The following VAPB variants were observed in gnomAD, a reference collection of about 807,000 sequenced individuals.
VAPB encodes vesicle-associated membrane protein-associated protein B/C.
VAPB carries 7 observed loss-of-function variants against 25.6 expected under a neutral mutation model. The observed-to-expected ratio is 0.27, with a 90% CI of 0.16 to 0.51. The LOEUF is 0.51. VAPB is among the 20% of genes least tolerant of loss of function. The pLI, the probability that VAPB is intolerant of heterozygous loss-of-function variation, is 0.97. For missense variants in VAPB, 266 were observed against 301.3 expected, an observed-to-expected ratio of 0.88 and a Z score of 0.87; for synonymous variants, 112 against 109.2, an observed-to-expected ratio of 1.03 and a Z score of -0.16.
chr20:58,390,509 A>G (rs2054935126), intron 1 of VAPB, among the ~76,000 whole-genome samples: 1 of 152,026 alleles, frequency 6.6e-6, no homozygotes, highest in Admixed American at 6.6e-5. Context: ...TGCACAAGAC[A>G]GATAAGGCCT....
intron 1 of VAPB, among the ~76,000 whole-genome samples, chr20:58,391,125 G>GT (rs1413499714): frequency 6.6e-6 from 1 of 152,214 alleles, no homozygotes; most frequent in Non-Finnish European, 1.5e-5. Flanking sequence ...GTTGTCTGAA[G>GT]TTCTTTCTCT....
chr20:58,423,441 A>AAAAAAAAAG, intron 2 of VAPB, among the ~76,000 whole-genome samples: 2 of 149,672 alleles, frequency 1.3e-5, no homozygotes, highest in African/African-American at 2.5e-5. Context: ...AAAAAAAAAA[A>AAAAAAAAAG]AAAAAAAAGA....
rs1446548226 is a variant in VAPB at position 58,442,849 on chromosome 20, T to TA, written c.574-1227dup. On this transcript the variant is annotated intron_variant, in intron 5 of 5. Transcript: ENST00000475243. Reference sequence around the variant, plus strand: ...TCATCTGCCTGTGGTCCCCAGGACCTACTAGGTACTCGGGCGGATGGGAGC... The same window carrying TA: ...TCATCTGCCTGTGGTCCCCAGGACCTAACTAGGTACTCGGGCGGATGGGAGC... Among the ~76,000 whole-genome samples the TA allele has an allele frequency of 2.0e-5, 3 of 152,186 alleles. 1 individual carries two copies. The highest frequency in any genetic ancestry group is 2.0e-4 in the Admixed American group (3 of 15,286).
At chr20:58,404,502 T>G (rs1049237091) in intron 1 of VAPB, among the ~76,000 whole-genome samples, 2 of 152,218 alleles carry the variant, frequency 1.3e-5, no homozygotes, top group Non-Finnish European at 2.9e-5. Flanking sequence ...CTTTATAGAT[T>G]ACCTTTCATA....
chr20:58,435,876 A>C (rs1568717701), intron 3 of VAPB, among the ~76,000 whole-genome samples: 1 of 152,214 alleles, frequency 6.6e-6, no homozygotes, highest in Non-Finnish European at 1.5e-5. Flanking sequence ...ATAATGGAAG[A>C]TCCAAGGGTG....
In VAPB at chr20:58,446,814, T is replaced by C. The variant is rs955328456; in HGVS notation, c.*2579T>C. On this transcript the variant is annotated 3_prime_UTR_variant, in exon 6 of 6. Coordinates refer to ENST00000475243, the MANE Select transcript of VAPB (RefSeq NM_004738.5). ...TCTCAGTCATCCTGGCAGCCAAAAATGTGCCAGGAAAAGAAAGAATGTGGA... is the reference window on the plus strand; with the variant it reads ...TCTCAGTCATCCTGGCAGCCAAAAACGTGCCAGGAAAAGAAAGAATGTGGA... 3 of 453,918 alleles carry C rather than the reference T, an allele frequency of 6.6e-6. No homozygotes were observed. The highest frequency in any genetic ancestry group is 1.3e-5 in the Non-Finnish European group (3 of 226,782). 28.1% of individuals were successfully genotyped at this position (453,918 alleles called of 1,614,324 possible).
chr20:58,427,917 A>T (rs377135209), intron 2 of VAPB, among the ~76,000 whole-genome samples: 1 of 141,640 alleles, frequency 7.1e-6, no homozygotes, highest in Non-Finnish European at 1.5e-5. Flanking sequence ...ATTATGATGC[A>T]GGGGAAAGTG....
chr20:58,405,867 C>T (rs1340636764), intron 1 of VAPB, among the ~76,000 whole-genome samples: 1 of 150,362 alleles, frequency 6.7e-6, no homozygotes, highest in East Asian at 2.0e-4. Flanking sequence ...AATTCTCCTG[C>T]CTCAGCTTCC....
intron 3 of VAPB, 32 bp from the exon 4 acceptor site, chr20:58,438,913 A>G (rs1431460053): frequency 6.3e-7 from 1 of 1,575,254 alleles, no homozygotes; most frequent in Non-Finnish European, 8.7e-7. Context: ...CAGGTTTATA[A>G]TATCTTGATT....
intron 2 of VAPB, among the ~76,000 whole-genome samples, chr20:58,423,445 A>AG (rs1988716931): frequency 6.9e-6 from 1 of 143,916 alleles, no homozygotes; most frequent in East Asian, 2.0e-4. Flanking sequence ...AAAAAAAAAA[A>AG]AAAAGAAAAG....
At chr20:58,422,208 T>C (rs1163202488) in intron 2 of VAPB, among the ~76,000 whole-genome samples, 3 of 152,214 alleles carry the variant, frequency 2.0e-5, no homozygotes, top group Non-Finnish European at 4.4e-5. Flanking sequence ...CTTCTGAGGT[T>C]TGTGCTTTTT....
rs1678686490 is a variant in VAPB at position 58,420,620 on chromosome 20, A to G, written c.211+2257A>G. Among the ~76,000 whole-genome samples, 3 of 152,210 alleles carry G rather than the reference A, an allele frequency of 2.0e-5. No individual in the cohort carries two copies. In the South Asian group the frequency reaches 6.2e-4, roughly 32 times the overall value. On this transcript the variant is annotated intron_variant, in intron 2 of 5. Transcript: ENST00000475243. ...AAAGTACCATCATTCTCAAAGTTTA[A>G]TGTATTTGGGGGAAAAAGTAGTTGA...
chr20:58,440,126 G>A (rs6100065), intron 4 of VAPB: 1 of 152,168 alleles, frequency 6.6e-6, no homozygotes, highest in East Asian at 1.9e-4. Flanking sequence ...TCCTGTCACA[G>A]GAAGGTCAGT....
chr20:58,413,390 C>T (rs1988428757), intron 1 of VAPB, among the ~76,000 whole-genome samples: 1 of 151,878 alleles, frequency 6.6e-6, no homozygotes, highest in African/African-American at 2.4e-5. Context: ...TTTAACAAAG[C>T]ACATCTTGCA....
intron 2 of VAPB, among the ~76,000 whole-genome samples, chr20:58,418,909 C>G (rs1346327869): frequency 6.6e-6 from 1 of 152,142 alleles, no homozygotes; most frequent in Admixed American, 6.5e-5. Flanking sequence ...TGGTGCATGT[C>G]TGATGGTTTT....
At chr20:58,424,800 G>A (rs1331015862) in intron 2 of VAPB, among the ~76,000 whole-genome samples, 1 of 152,216 alleles carries the variant, frequency 6.6e-6, no homozygotes, top group East Asian at 1.9e-4. Flanking sequence ...ATCAGACTGT[G>A]AGGAGTTTGT....
chr20:58,399,409 A>C (rs1187795437), intron 1 of VAPB, among the ~76,000 whole-genome samples: 1 of 152,160 alleles, frequency 6.6e-6, no homozygotes, highest in African/African-American at 2.4e-5. Flanking sequence ...CTGGGACATT[A>C]GAATGACTGT....
rs546898989 is a variant in VAPB, at chr20:58,389,302, A to ACCC, written c.-151_-149dup. ...CCCTGCGCCTGCACCGCGTAGACCG[A>ACCC]CCCCCCCCCAGCGCGCCCACCCGGT... On this transcript the variant is annotated 5_prime_UTR_variant, in exon 1 of 6. Transcript: ENST00000475243. 3.6e-4 allele frequency: 145 copies of ACCC among 400,026 alleles called. No individual in the cohort carries two copies. The highest frequency in any genetic ancestry group is 4.5e-4 in the Non-Finnish European group (91 of 202,708). The allele number at this position is 400,026 out of a possible 1,614,324, so 24.8% of individuals were successfully genotyped here. A position where few individuals can be genotyped will look rare whatever the true frequency, so the allele number is the denominator to read the frequency against.
chr20:58,435,286 G>GAA (rs974361887), intron 3 of VAPB, among the ~76,000 whole-genome samples: 2 of 141,626 alleles, frequency 1.4e-5, no homozygotes, highest in Admixed American at 7.0e-5. Context: ...GATGGTTTTG[G>GAA]AAAAAAAAAA....
Sources: allele counts gnomAD v4.1 joint callset (sites outside exome capture counted in the v4.1 genomes callset), GRCh38; gene constraint gnomAD v4.1.1; transcripts MANE v1.5; gene names NCBI Gene and HGNC (gene_info 2026-07-23, HGNC 2026-07-21).